Variants in KLHL23 observed in about 807,000 individuals in gnomAD.
The protein encoded by KLHL23 is kelch-like protein 23.
KLHL23 carries 33 observed loss-of-function variants against 48.9 expected under a neutral mutation model. The ratio of observed to expected loss-of-function variants is 0.67; its 90% CI spans 0.51 to 0.90. The LOEUF (loss-of-function observed/expected upper bound fraction) is 0.90. Among genes scored for constraint, KLHL23 ranks in the 40% least tolerant of loss-of-function variants. The pLI, the probability that KLHL23 is intolerant of heterozygous loss-of-function variation, is 0.00. For synonymous variants in KLHL23, 234 were observed against 231.6 expected (o/e 1.01, Z -0.09); for missense variants, 608 against 669.6 (o/e 0.91, Z 1.02).
At position 169,735,055 on chromosome 2, in the gene KLHL23, A is replaced by G. The variant is rs756941259; in HGVS notation, c.41A>G (p.Lys14Arg). The change falls in exon 2 of 4, where the codon AAG (lysine) becomes AGG (arginine). Residue 14 changes from lysine to arginine, a missense_variant. Coordinates refer to ENST00000392647, the MANE Select transcript of KLHL23 (RefSeq NM_144711.6). The surrounding 1 kb of genome is among the most constrained non-coding windows in gnomAD (Gnocchi z 4.5). ...KGQEDYIYLF[K>R]DSTHPVDFLD... Reference sequence around the variant, plus strand: ...CAAGAAGATTATATTTATCTTTTCAAGGATTCAACACATCCAGTGGATTTT... The same window carrying G: ...CAAGAAGATTATATTTATCTTTTCAGGGATTCAACACATCCAGTGGATTTT... 1.7e-5 allele frequency: 27 copies of G among 1,577,878 alleles called. No homozygotes were observed. Among genetic ancestry groups the G allele is most frequent in the Admixed American group, 8.1e-5 (4 of 49,420 alleles).
chr2:169,737,603 A>G (rs1318169485), intron 2 of KLHL23, among the ~76,000 whole-genome samples: 4 of 149,986 alleles, frequency 2.7e-5, no homozygotes, highest in African/African-American at 9.8e-5. Context: ...TTCAGAGTAT[A>G]TTTCTTTTTC....
chr2:169,747,344 G>GC (rs1688815340), intron 3 of KLHL23, among the ~76,000 whole-genome samples: 1 of 126,450 alleles, frequency 7.9e-6, no homozygotes, highest in African/African-American at 2.9e-5. Context: ...AGCCGAGATT[G>GC]CGCCACTGCA....
chr2:169,749,605 C>G lies in KLHL23; in HGVS notation c.1550C>G (p.Ser517Cys). The change falls in exon 4 of 4, where the codon TCC (serine) becomes TGC (cysteine). Residue 517 changes from serine to cysteine, a missense_variant. Transcript: ENST00000392647. ...TGTATTTATGTCACTGGAGGATACT[C>G]CTACTCAAAGGGAACGTATCTTCAG... Reference protein sequence around the residue: ...NGCIYVTGGYSYSKGTYLQSI... With the variant: ...NGCIYVTGGYCYSKGTYLQSI... The G allele has an allele frequency of 6.2e-7, 1 of 1,613,948 alleles. No homozygotes were observed. The highest frequency in any genetic ancestry group is 2.2e-5 in the East Asian group (1 of 44,870).
At chr2:169,748,016 T>C (rs1035505368) in intron 3 of KLHL23, among the ~76,000 whole-genome samples, 1 of 152,076 alleles carries the variant, frequency 6.6e-6, no homozygotes, top group African/African-American at 2.4e-5. Context: ...CCCAGCTTCT[T>C]GAGAGGCTGA....
chr2:169,738,491 T>A (rs986965148), intron 2 of KLHL23, among the ~76,000 whole-genome samples: 1 of 152,172 alleles, frequency 6.6e-6, no homozygotes, highest in African/African-American at 2.4e-5. Context: ...TGAAGTGAAA[T>A]AGCAGCTTTC....
chr2:169,747,596 T>C (rs1237229590), intron 3 of KLHL23, among the ~76,000 whole-genome samples: 1 of 151,754 alleles, frequency 6.6e-6, no homozygotes, highest in African/African-American at 2.4e-5. Flanking sequence ...ACCACCACAT[T>C]CATCTGGAAA....
At chr2:169,737,551 C>T (rs1000280247) in intron 2 of KLHL23, among the ~76,000 whole-genome samples, 6 of 151,792 alleles carry the variant, frequency 4.0e-5, no homozygotes, top group African/African-American at 7.3e-5. Flanking sequence ...ATTTCTGATT[C>T]TGTTTTTTAA....
chr2:169,740,755 G>A (rs1409914618), intron 2 of KLHL23, among the ~76,000 whole-genome samples: 1 of 93,784 alleles, frequency 1.1e-5, no homozygotes, highest in Non-Finnish European at 2.1e-5. Context: ...GCCTCTATAA[G>A]CTTTTTTATA....
At chr2:169,738,239 C>T (rs1688562733) in intron 2 of KLHL23, among the ~76,000 whole-genome samples, 1 of 151,984 alleles carries the variant, frequency 6.6e-6, no homozygotes, top group East Asian at 1.9e-4. Context: ...TCATACAGAA[C>T]TTTTTTTAAA....
chr2:169,747,788 G>A (rs991018875), intron 3 of KLHL23, among the ~76,000 whole-genome samples: 2 of 152,130 alleles, frequency 1.3e-5, no homozygotes, highest in Non-Finnish European at 2.9e-5. Context: ...ATTAGGAATA[G>A]GTTAGTGAGC....
intron 3 of KLHL23, among the ~76,000 whole-genome samples, chr2:169,742,463 G>C (rs767043378): frequency 3.9e-5 from 6 of 152,208 alleles, no homozygotes. Context: ...ACTTTTCCAA[G>C]GTCACAGTTT....
intron 2 of KLHL23, among the ~76,000 whole-genome samples, chr2:169,736,823 T>C (rs1167301138): frequency 6.6e-6 from 1 of 152,254 alleles, no homozygotes; most frequent in East Asian, 1.9e-4. Flanking sequence ...GGGAATCTTA[T>C]TTCATTGTAT....
Position 169,735,430 on chromosome 2 carries a change from G to A in KLHL23, c.416G>A (p.Cys139Tyr), listed in dbSNP as rs1688485887. 1 of 1,613,840 alleles carries A rather than the reference G, an allele frequency of 6.2e-7. No individual in the cohort carries two copies. The highest frequency in any genetic ancestry group is 1.3e-5 in the African/African-American group (1 of 74,916). Residue 139 changes from cysteine to tyrosine, a missense_variant, in exon 2 of 4, where the codon TGT (cysteine) becomes TAT (tyrosine). Coordinates refer to ENST00000392647, the MANE Select transcript of KLHL23 (RefSeq NM_144711.6). The surrounding 1 kb of genome is among the most constrained non-coding windows in gnomAD (Gnocchi z 4.5). ...GTAAGGCACTTGGATATTGATAATT[G>A]TATTGGAATGCACTCCTTTGCAGAA... ...FLVRHLDIDN[C>Y]IGMHSFAEFH...
At chr2:169,747,196 T>G (rs1474818676) in intron 3 of KLHL23, among the ~76,000 whole-genome samples, 1 of 151,954 alleles carries the variant, frequency 6.6e-6, no homozygotes, top group African/African-American at 2.4e-5. Flanking sequence ...AAACCCCATC[T>G]CTATTAAAAA....
chr2:169,740,791 T>TATATATATATATATATATATATATAAAA (rs1291405019), intron 2 of KLHL23, among the ~76,000 whole-genome samples: 1 of 140,238 alleles, frequency 7.1e-6, no homozygotes, highest in African/African-American at 2.7e-5. Flanking sequence ...TATATATATA[T>TATATATATATATATATATATATATAAAA]AACTTATTTA....
At chr2:169,746,736 AAGACAG>A (rs1688800329) in intron 3 of KLHL23, among the ~76,000 whole-genome samples, 2 of 152,254 alleles carry the variant, frequency 1.3e-5, no homozygotes. Flanking sequence ...CTGCTATAGG[AAGACAG>A]ATGGCTTTCT....
At chr2:169,749,280 AT>A in intron 3 of KLHL23, 141 bp from the exon 4 acceptor site, 3 of 866,730 alleles carry the variant, frequency 3.5e-6, no homozygotes, top group Non-Finnish European at 5.1e-6. Flanking sequence ...GCGTTGCAGT[AT>A]TGTGTGCCTG....
At chr2:169,734,460 G>C (rs1419945142) in intron 1 of KLHL23, among the ~76,000 whole-genome samples, 1 of 151,380 alleles carries the variant, frequency 6.6e-6, no homozygotes, top group Non-Finnish European at 1.5e-5. Context: ...GGGCGCGGGG[G>C]AGGGGGCGAG....
chr2:169,741,176 GTGC>G, intron 2 of KLHL23: 1 of 477,526 alleles, frequency 2.1e-6, no homozygotes, highest in South Asian at 5.0e-5. Flanking sequence ...ATTGTGCGTG[GTGC>G]ATGGCTGTGT....
Sources: allele counts gnomAD v4.1 joint callset (sites outside exome capture counted in the v4.1 genomes callset), GRCh38; gene constraint gnomAD v4.1.1; non-coding constraint Gnocchi (gnomAD v3.1); transcripts MANE v1.5; gene names NCBI Gene and HGNC (gene_info 2026-07-23, HGNC 2026-07-21).